TTN: variants seen among roughly 807,000 people sequenced by gnomAD.
TTN encodes the protein titin.
Under a neutral mutation model 3,223.0 loss-of-function variants are expected in TTN, and 1,525 were observed. That is an observed-to-expected ratio of 0.47 (90% confidence interval 0.45 to 0.49). The LOEUF (loss-of-function observed/expected upper bound fraction) is 0.49, where lower values mean the gene tolerates loss of function less well. Ranked by LOEUF, TTN falls within the 20% of genes least tolerant of loss-of-function variation. The pLI is 0.00. For missense variants in TTN, 40,786 were observed against 43,424.0 expected, an observed-to-expected ratio of 0.94 and a Z score of 5.40; for synonymous variants, 14,094 against 15,161.0, an observed-to-expected ratio of 0.93 and a Z score of 5.17.
Position 178,544,523 on chromosome 2 carries a change from G to A in TTN, c.95723-17C>T. The A allele has an allele frequency of 6.4e-7, 1 of 1,573,704 alleles. No homozygotes were observed. Among genetic ancestry groups the A allele is most frequent in the Non-Finnish European group, 8.6e-7 (1 of 1,156,454 alleles). On this transcript the variant is annotated splice_polypyrimidine_tract_variant and intron_variant, in intron 344 of 362. Transcript: ENST00000589042. Reference sequence around the variant, plus strand: ...CAGGGGTATCTGTGGAATTTAAAAAGTGAGATGCAGATATTAGGCAAATAA... The same window carrying A: ...CAGGGGTATCTGTGGAATTTAAAAAATGAGATGCAGATATTAGGCAAATAA...
Position 178,589,862 on chromosome 2 carries a change from T to A in TTN, c.61863A>T (p.Ser20621=). ...CCTTGATTAATCGTTTAGTGACATCTGATGCAACAATTGACCAGCCTTTCT... is the reference window on the plus strand; with the variant it reads ...CCTTGATTAATCGTTTAGTGACATCAGATGCAACAATTGACCAGCCTTTCT... The part of the protein sequence containing the change: ...PNQKGWSIVA[S]DVTKRLIKAN... Residue 20621 remains serine, a synonymous_variant, in exon 304 of 363, where the codon TCA becomes TCT. Coordinates refer to ENST00000589042, the MANE Select transcript of TTN (RefSeq NM_001267550.2). 6.2e-7 allele frequency: 1 copy of A among 1,613,482 alleles called. No individual in the cohort carries two copies.
At chr2:178,757,227 A>ATACTGTACTTGCTTTAAGTACCGTAAG (rs1553968975) in intron 45 of TTN, among the ~76,000 whole-genome samples, 3 of 150,314 alleles carry the variant, frequency 2.0e-5, no homozygotes, top group South Asian at 2.1e-4. Flanking sequence ...ACAGTAAGTA[A>ATACTGTACTTGCTTTAAGTACCGTAAG]TAATCAGCAA....
rs531162850 is a variant in TTN at position 178,713,155 on chromosome 2, A to G, written c.26979T>C (p.Ser8993=). The G allele has an allele frequency of 3.7e-6, 6 of 1,613,770 alleles. No homozygotes were observed. Among genetic ancestry groups the G allele is most frequent in the Non-Finnish European group, 5.1e-6 (6 of 1,179,766 alleles). The change falls in exon 93 of 363, where the codon AGT becomes AGC. Residue 8993 remains serine (S), a synonymous_variant. Coordinates refer to ENST00000589042, the MANE Select transcript of TTN (RefSeq NM_001267550.2). Reference sequence around the variant, plus strand: ...TAGTAGCTATACATGTGTAGTCACCACTGTCTGATTCTTCCAGCATGTTCA... The same window carrying G: ...TAGTAGCTATACATGTGTAGTCACCGCTGTCTGATTCTTCCAGCATGTTCA... The part of the protein sequence containing the change: ...LTVNMLEESD[S]GDYTCIATNM...
chr2:178,779,764 C>T (rs2092600321), intron 22 of TTN: 1 of 549,682 alleles, frequency 1.8e-6, no homozygotes, highest in African/African-American at 1.9e-5. Context: ...TGGTGTTTTC[C>T]TTAATATATT....
At position 178,732,658 on chromosome 2, in the gene TTN, C is replaced by G. The variant is rs1294705818; in HGVS notation, c.16403G>C (p.Cys5468Ser). ...AGATCCTTGGAAAGTGCTCTTCAGG[C>G]AGACTGCTGAGCCAGGCAGAACATC... ...SKDVLPGSAVCLKSTFQGSTP... is the reference protein window; with the variant it reads ...SKDVLPGSAVSLKSTFQGSTP... The change falls in exon 56 of 363, where the codon TGC (cysteine) becomes TCC (serine). Residue 5468 changes from cysteine (C) to serine (S), a missense_variant. By Grantham distance (112) the Cys-to-Ser change is moderately radical (BLOSUM62 -1). Coordinates refer to ENST00000589042, the MANE Select transcript of TTN (RefSeq NM_001267550.2). 3.1e-6 allele frequency: 5 copies of G among 1,611,774 alleles called. No homozygotes were observed. In the East Asian group the frequency reaches 1.1e-4, roughly 36 times the overall value.
intron 13 of TTN, among the ~76,000 whole-genome samples, chr2:178,787,530 T>C (rs908811094): frequency 1.2e-4 from 19 of 152,160 alleles, no homozygotes; most frequent in Non-Finnish European, 2.1e-4. Flanking sequence ...ATTATTTTGA[T>C]TGTAGTGTGA....
In TTN at chr2:178,777,772, C is replaced by T. The variant is rs1028140338; in HGVS notation, c.4412G>A (p.Gly1471Glu). 6.2e-7 allele frequency: 1 copy of T among 1,613,996 alleles called. No individual in the cohort carries two copies. Among genetic ancestry groups the T allele is most frequent in the Non-Finnish European group, 8.5e-7 (1 of 1,179,968 alleles). The change falls in exon 25 of 363, where the codon GGG (glycine) becomes GAG (glutamate). Residue 1471 changes from glycine to glutamate, a missense_variant. Coordinates refer to ENST00000589042, the MANE Select transcript of TTN (RefSeq NM_001267550.2). The part of the protein sequence containing the change: ...LKPVSFKCLE[G>E]QTARFDLKVV... Reference sequence around the variant, plus strand: ...CTTTAAGTCAAATCTGGCAGTTTGCCCTTCTAAACATTTGAAAGAAACAGG... The same window carrying T: ...CTTTAAGTCAAATCTGGCAGTTTGCTCTTCTAAACATTTGAAAGAAACAGG...
Position 178,577,317 on chromosome 2 carries a change from A to G in TTN, c.69018T>C (p.Thr23006=). ...CATCTTTTCTAGTGGCATACTTGAT[A>G]GTAAGCATGGAAGATGTTGGGGTTG... The part of the protein sequence containing the change: ...ITSTPTSSML[T]IKYATRKDAG... The change falls in exon 324 of 363, where the codon ACT becomes ACC. Residue 23006 remains threonine (T), a synonymous_variant. Transcript: ENST00000589042. 1 of 1,612,864 alleles carries G rather than the reference A, an allele frequency of 6.2e-7. No individual in the cohort carries two copies. Among genetic ancestry groups the G allele is most frequent in the Non-Finnish European group, 8.5e-7 (1 of 1,179,462 alleles).
intron 349 of TTN, 61 bp downstream of exon 349, chr2:178,542,203 C>CTTTTTTT: frequency 6.7e-7 from 1 of 1,482,658 alleles, no homozygotes; most frequent in Admixed American, 2.1e-5. Context: ...AAAACAAATT[C>CTTTTTTT]TTTTTTGTTA....
In TTN at chr2:178,583,756, G is replaced by A. The variant is rs756088419; in HGVS notation, c.65426C>T (p.Thr21809Ile). 1.2e-6 allele frequency: 2 copies of A among 1,611,772 alleles called. No homozygotes were observed. Among genetic ancestry groups the A allele is most frequent in the East Asian group, 2.2e-5 (1 of 44,540 alleles). ...LPGDKWVRCN[T>I]APHQIPQEEY... The stretch of plus-strand genomic sequence containing the variant: ...TTCCTGGGGAATCTGGTGAGGTGCA[G>A]TATTGCACCGTACCCATTTATCACC... The change falls in exon 312 of 363, where the codon ACT becomes ATT. Residue 21809 changes from threonine (T) to isoleucine (I), a missense_variant. Transcript: ENST00000589042.
Position 178,589,029 on chromosome 2 carries a change from T to C in TTN, c.62696A>G (p.Tyr20899Cys), listed in dbSNP as rs564111693. ...EDDGGCEIQN[Y>C]ILEKCETKRM... ...CTTTGTCTCACATTTTTCTAGAATATAATTTTGGATTTCACAGCCACCATC... is the reference window on the plus strand; with the variant it reads ...CTTTGTCTCACATTTTTCTAGAATACAATTTTGGATTTCACAGCCACCATC... The change falls in exon 304 of 363, where the codon TAT (tyrosine) becomes TGT (cysteine). Residue 20899 changes from tyrosine to cysteine, a missense_variant. Physicochemically the swap from Tyr to Cys is radical, Grantham distance 194. Coordinates refer to ENST00000589042, the MANE Select transcript of TTN (RefSeq NM_001267550.2). The C allele has an allele frequency of 3.1e-6, 5 of 1,610,086 alleles. No individual in the cohort carries two copies. In the Admixed American group the frequency reaches 5.0e-5, roughly 16 times the overall value.
At chr2:178,651,409 G>A (rs772503692) in intron 207 of TTN, 44 bp downstream of exon 207, 4 of 1,601,422 alleles carry the variant, frequency 2.5e-6, no homozygotes, top group Non-Finnish European at 3.4e-6. Context: ...TTAGAAGCTG[G>A]GGGCTCCATC....
Position 178,730,934 on chromosome 2 carries a change from T to G in TTN, c.17731A>C (p.Asn5911His), listed in dbSNP as rs781725187. ...GAAGAACAATACCAACCTAATACAT[T>G]AATTCTAGCCTTGCAGCTGCTCCTC... is the stretch of plus-strand genomic sequence containing the variant. ...VGRSSCKARI[N>H]VLDLIIPPSF... The change falls in exon 60 of 363, where the codon AAT (asparagine) becomes CAT (histidine). Residue 5911 changes from asparagine to histidine, a missense_variant. Physicochemically the swap from Asn to His is moderately conservative, Grantham distance 68. Coordinates refer to ENST00000589042, the MANE Select transcript of TTN (RefSeq NM_001267550.2). 6.2e-7 allele frequency: 1 copy of G among 1,601,878 alleles called. No individual in the cohort carries two copies. The highest frequency in any genetic ancestry group is 8.5e-7 in the Non-Finnish European group (1 of 1,173,122).
rs72646860 is a variant in TTN at position 178,584,954 on chromosome 2, G to T, written c.64687C>A (p.Pro21563Thr). The part of the protein sequence containing the change: ...KVVVMDAPGP[P>T]QPPFDISDID... ...TCAGAAATGTCAAATGGAGGCTGAG[G>T]GGGGCCGGGGGCATCTACATGAACC... is the stretch of plus-strand genomic sequence containing the variant. The change falls in exon 310 of 363, where the codon CCT (proline) becomes ACT (threonine). Residue 21563 changes from proline to threonine, a missense_variant. Coordinates refer to ENST00000589042, the MANE Select transcript of TTN (RefSeq NM_001267550.2). 3.1e-6 allele frequency: 5 copies of T among 1,613,146 alleles called. No individual in the cohort carries two copies. The highest frequency in any genetic ancestry group is 1.7e-5 in the Admixed American group (1 of 59,970).
At chr2:178,705,992 T>C (rs1230281628) in intron 102 of TTN, among the ~76,000 whole-genome samples, 1 of 152,212 alleles carries the variant, frequency 6.6e-6, no homozygotes, top group Non-Finnish European at 1.5e-5. Flanking sequence ...AATTCGGAAA[T>C]TGATTCTAAT....
chr2:178,776,035 A>G lies in TTN; in HGVS notation c.5829T>C (p.Pro1943=). 6.2e-7 allele frequency: 1 copy of G among 1,614,156 alleles called. No homozygotes were observed. Among genetic ancestry groups the G allele is most frequent in the Non-Finnish European group, 8.5e-7 (1 of 1,179,992 alleles). ...GTACGTGAAACTCAGGCCTTGGTTC[A>G]GGAGCTCTCCTAAGGACAGACCTAA... is the stretch of plus-strand genomic sequence containing the variant. ...EDFRSVLRRA[P]EPRPEFHVHE... The change falls in exon 28 of 363, where the codon CCT becomes CCC. Residue 1943 remains proline, a synonymous_variant. Coordinates refer to ENST00000589042, the MANE Select transcript of TTN (RefSeq NM_001267550.2).
rs777451130 is a variant in TTN at position 178,634,525 on chromosome 2, A to T, written c.42256T>A (p.Ser14086Thr). 2.2e-5 allele frequency: 35 copies of T among 1,613,186 alleles called. No individual in the cohort carries two copies. The highest frequency in any genetic ancestry group is 2.8e-5 in the Non-Finnish European group (33 of 1,179,482). The change falls in exon 230 of 363, where the codon TCC (serine) becomes ACC (threonine). Residue 14086 changes from serine (S) to threonine (T), a missense_variant. Transcript: ENST00000589042. This position sits in a 1 kb window ranked among gnomAD's most constrained non-coding sequence, Gnocchi z 4.6. ...VLTREANVIWSKGPDIIKSSD... is the reference protein window; with the variant it reads ...VLTREANVIWTKGPDIIKSSD... ...GACTTAATTATATCAGGTCCTTTGG[A>T]CCATATAACATTTGCCTCTCGGGTG... is the stretch of plus-strand genomic sequence containing the variant.
At position 178,712,155 on chromosome 2, in the gene TTN, T is replaced by C. The variant is rs753980247; in HGVS notation, c.27675A>G (p.Gln9225=). Residue 9225 remains glutamine, a synonymous_variant, in exon 96 of 363, where the codon CAA becomes CAG. Transcript: ENST00000589042. ...KVSVGDSASL[Q]CQLAGTPEIG... ...TTTCAGGGGTTCCAGCAAGCTGGCA[T>C]TGTAGAGAGGCAGAATCTCCAACAG... The C allele has an allele frequency of 1.7e-5, 27 of 1,613,788 alleles. No homozygotes were observed. In the East Asian group the frequency reaches 5.3e-4, roughly 32 times the overall value.
At chr2:178,729,253 T>C (rs1197252057) in intron 64 of TTN, 35 bp downstream of exon 64, 2 of 1,559,712 alleles carry the variant, frequency 1.3e-6, no homozygotes, top group African/African-American at 2.7e-5. Flanking sequence ...CGTTACAGAA[T>C]TTTTATTTGA....
Sources: gnomAD v4.1 joint callset for allele counts (sites outside exome capture counted in the v4.1 genomes callset) on GRCh38, gnomAD v4.1.1 for gene constraint, Gnocchi (gnomAD v3.1) non-coding constraint, MANE v1.5 for transcripts, NCBI Gene and HGNC (gene_info 2026-07-23, HGNC 2026-07-21) for gene names.